ARAP3: variants seen among roughly 807,000 people sequenced by gnomAD.
ARAP3 encodes the protein ArfGAP with RhoGAP domain, ankyrin repeat and PH domain 3, also known as arf-GAP with Rho-GAP domain, ANK repeat and PH domain-containing protein 3.
A neutral mutation model predicts 169.2 loss-of-function variants in ARAP3; 82 were observed. That is an observed-to-expected ratio of 0.48 (90% CI 0.41 to 0.58). The LOEUF is 0.58. Among genes scored for constraint, ARAP3 ranks in the 20% least tolerant of loss-of-function variants. The pLI, the probability that ARAP3 is intolerant of heterozygous loss-of-function variation, is 0.00. For synonymous variants in ARAP3, 791 were observed against 800.3 expected (o/e 0.99, Z 0.20); for missense variants, 1,764 against 2,018.0 (o/e 0.87, Z 2.41).
In ARAP3 at chr5:141,655,260, C is replaced by CACACA. The variant is rs1562401159; in HGVS notation, c.4149+101_4149+102insTGTGT. ...CACACACACACACACACACACACAC[C>CACACA]CCCTGATGGCCTACATGAGGAAAAC... On this transcript the variant is annotated intron_variant, in intron 32 of 32. Transcript: ENST00000239440. The CACACA allele has an allele frequency of 1.4e-3, 1,138 of 834,224 alleles. 10 individuals carry two copies. The highest frequency in any genetic ancestry group is 8.5e-3 in the African/African-American group (290 of 34,140). 51.7% of individuals were successfully genotyped at this position (834,224 alleles called of 1,614,324 possible).
At chr5:141,656,173 G>C in intron 28 of ARAP3, 21 bp downstream of exon 28, 8 of 1,614,088 alleles carry the variant, frequency 5.0e-6, no homozygotes, top group Non-Finnish European at 6.8e-6. Context: ...CTGGAAGTGC[G>C]GGCTGGGGAA....
intron 1 of ARAP3, among the ~76,000 whole-genome samples, chr5:141,681,717 C>T (rs772119448): frequency 1.3e-5 from 2 of 152,344 alleles, no homozygotes; most frequent in African/African-American, 4.8e-5. Flanking sequence ...TTTCTGTCTT[C>T]CGCCTCGGCC....
rs2099911973 is a variant in ARAP3, at chr5:141,675,047, TCC to T, written c.699-1241_699-1240del. On this transcript the variant is annotated intron_variant, in intron 4 of 32. Coordinates refer to ENST00000239440, the MANE Select transcript of ARAP3 (RefSeq NM_022481.6). ...TTGTACAGTGAGGCCCGTAGGCCACTCCCCTGACTGCATCCTGTGTTGCCCTG... is the reference window on the plus strand; with the variant it reads ...TTGTACAGTGAGGCCCGTAGGCCACTCCTGACTGCATCCTGTGTTGCCCTG... Among the ~76,000 whole-genome samples, 3 of 152,204 alleles carry T rather than the reference TCC, an allele frequency of 2.0e-5. No homozygotes were observed. In the South Asian group the frequency reaches 6.2e-4, roughly 32 times the overall value.
Position 141,673,083 on chromosome 5 carries a change from G to A in ARAP3, c.1023C>T (p.Arg341=). 1 of 1,614,212 alleles carries A rather than the reference G, an allele frequency of 6.2e-7. No homozygotes were observed. The highest frequency in any genetic ancestry group is 8.5e-7 in the Non-Finnish European group (1 of 1,180,038). Residue 341 remains arginine (R), a synonymous_variant, in exon 7 of 33, where the codon CGC becomes CGT. Coordinates refer to ENST00000239440, the MANE Select transcript of ARAP3 (RefSeq NM_022481.6). ...CCTGGAACTTGTTGTCCTTGCTGCT[G>A]CGGGTCATCTCAATGGCAGTCAAAG... ...VIPLTAIEMT[R]SSKDNKFQVI...
rs1278173983 is a variant in ARAP3 at position 141,659,804 on chromosome 5, A to G, written c.3242T>C (p.Ile1081Thr). 3.1e-6 allele frequency: 5 copies of G among 1,612,652 alleles called. No homozygotes were observed. The highest frequency in any genetic ancestry group is 4.2e-6 in the Non-Finnish European group (5 of 1,179,320). The change falls in exon 22 of 33, where the codon ATT becomes ACT. Residue 1081 changes from isoleucine to threonine, a missense_variant. Transcript: ENST00000239440. The stretch of plus-strand genomic sequence containing the variant: ...ATCAAAGACAGAGATGTAGCCATCA[A>G]TGAGCTCTTGCAGCACTCGCACCTC... ...EHEVRVLQELIDGYISVFDID... is the reference protein window; with the variant it reads ...EHEVRVLQELTDGYISVFDID...
At position 141,679,586 on chromosome 5, in the gene ARAP3, T is replaced by A. The variant is rs758573729; in HGVS notation, c.657A>T (p.Arg219Ser). The change falls in exon 4 of 33, where the codon AGA becomes AGT. Residue 219 changes from arginine to serine, a missense_variant. Coordinates refer to ENST00000239440, the MANE Select transcript of ARAP3 (RefSeq NM_022481.6). ...CCTGACAAACACCTCTGCTCTCTCT[T>A]CTGTCGGGGGCTCCTGGAGTCCCCA... ...QPVGTPGAPDRRESRGVCQGR... is the reference protein window; with the variant it reads ...QPVGTPGAPDSRESRGVCQGR... 20 of 1,614,140 alleles carry A rather than the reference T, an allele frequency of 1.2e-5. No homozygotes were observed. Among genetic ancestry groups the A allele is most frequent in the Non-Finnish European group, 1.6e-5 (19 of 1,180,022 alleles).
chr5:141,673,480 G>C lies in ARAP3; in HGVS notation c.903-10C>G. ...CTGGAAGACATAGTTTCTGAGGAAGGAAGGAGCCAAGATCAGTGTTTGAGG... is the reference window on the plus strand; with the variant it reads ...CTGGAAGACATAGTTTCTGAGGAAGCAAGGAGCCAAGATCAGTGTTTGAGG... On this transcript the variant is annotated splice_polypyrimidine_tract_variant and intron_variant, in intron 5 of 32. Transcript: ENST00000239440. 2 of 1,614,194 alleles carry C rather than the reference G, an allele frequency of 1.2e-6. No homozygotes were observed. The highest frequency in any genetic ancestry group is 1.7e-6 in the Non-Finnish European group (2 of 1,180,042).
chr5:141,659,679 C>T (rs753255509), intron 22 of ARAP3, 100 bp downstream of exon 22: 52 of 1,507,136 alleles, frequency 3.5e-5, no homozygotes, highest in Non-Finnish European at 4.7e-5. Flanking sequence ...CCACCAGAGG[C>T]CTGGGCTGGG....
chr5:141,666,701 G>A (rs1051398063), intron 16 of ARAP3, 58 bp from the exon 17 acceptor site: 12 of 936,978 alleles, frequency 1.3e-5, no homozygotes, highest in South Asian at 2.8e-5. Context: ...CAAGGAATAG[G>A]GGAGAGAAAT....
Position 141,656,546 on chromosome 5 carries a change from A to T in ARAP3, c.3747T>A (p.Phe1249Leu), listed in dbSNP as rs1260585758. 1.9e-6 allele frequency: 3 copies of T among 1,612,888 alleles called. No individual in the cohort carries two copies. The highest frequency in any genetic ancestry group is 1.7e-4 in the Middle Eastern group (1 of 6,060). The change falls in exon 27 of 33, where the codon TTT becomes TTA. Residue 1249 changes from phenylalanine to leucine, a missense_variant. Transcript: ENST00000239440. ...GCAGCAGGCAGCGGCCACGCAGCAG[A>T]AAGAACCTCTCCTGGAAGCGGCTTC... ...LLGSRFQERF[F>L]LLRGRCLLLL...
chr5:141,672,964 A>G lies in ARAP3; in HGVS notation c.1094-39T>C. ...AGAAGCAGGTCAGTGGCTGTTGCTC[A>G]CACAGCCTCCCTCCCTCCTGCCCTG... On this transcript the variant is annotated intron_variant, in intron 7 of 32. Transcript: ENST00000239440. This position sits in a 1 kb window ranked among gnomAD's most constrained non-coding sequence, Gnocchi z 4.9. The G allele has an allele frequency of 1.2e-6, 2 of 1,612,496 alleles. No homozygotes were observed. The highest frequency in any genetic ancestry group is 1.7e-6 in the Non-Finnish European group (2 of 1,179,110).
rs535923982 is a variant in ARAP3, at chr5:141,664,713, C to T, written c.2800+209G>A. The stretch of plus-strand genomic sequence containing the variant: ...TCCTGGAAAATGAGGACCGTTGGCC[C>T]CATTTTACAGATGATGGAACTGAGG... On this transcript the variant is annotated intron_variant, in intron 19 of 32. Coordinates refer to ENST00000239440, the MANE Select transcript of ARAP3 (RefSeq NM_022481.6). Among the ~76,000 whole-genome samples the T allele has an allele frequency of 1.3e-3, 195 of 152,238 alleles. 1 individual carries two copies. The highest frequency in any genetic ancestry group is 4.5e-3 in the African/African-American group (188 of 41,542).
Position 141,673,150 on chromosome 5 carries a change from C to T in ARAP3, c.973-17G>A. On this transcript the variant is annotated splice_polypyrimidine_tract_variant and intron_variant, in intron 6 of 32. Transcript: ENST00000239440. ...GAAGGGGTCCTGGAGAGAGAGAGCT[C>T]AATGACCCATGAGGACAGGAACTGA... The T allele has an allele frequency of 6.2e-7, 1 of 1,614,088 alleles. No individual in the cohort carries two copies. The highest frequency in any genetic ancestry group is 1.3e-5 in the African/African-American group (1 of 75,040).
intron 16 of ARAP3, among the ~76,000 whole-genome samples, chr5:141,667,255 G>A (rs1333207251): frequency 6.6e-6 from 1 of 152,020 alleles, no homozygotes; most frequent in Non-Finnish European, 1.5e-5. Flanking sequence ...ATGATGCCCT[G>A]GGAAATCCCA....
At chr5:141,655,035 G>A (rs1233274422) in intron 32 of ARAP3, among the ~76,000 whole-genome samples, 1 of 151,840 alleles carries the variant, frequency 6.6e-6, no homozygotes, top group Non-Finnish European at 1.5e-5. Flanking sequence ...CACTGTGCCC[G>A]ACCTTTCTCC....
intron 23 of ARAP3, 35 bp downstream of exon 23, chr5:141,659,373 G>A: frequency 6.3e-7 from 1 of 1,595,194 alleles, no homozygotes; most frequent in Non-Finnish European, 8.6e-7. Context: ...GTCTCCTCCT[G>A]CCCCATTCAG....
At chr5:141,679,485 A>T in intron 4 of ARAP3, 60 bp downstream of exon 4, 1 of 1,509,844 alleles carries the variant, frequency 6.6e-7, no homozygotes, top group Non-Finnish European at 9.2e-7. Context: ...ATAACTGGAT[A>T]CATGGCCGCC....
At position 141,672,771 on chromosome 5, in the gene ARAP3, A is replaced by G. The variant is rs1386285697; in HGVS notation, c.1248T>C (p.Pro416=). The change falls in exon 8 of 33, where the codon CCT becomes CCC. Residue 416 remains proline (P), a synonymous_variant. Coordinates refer to ENST00000239440, the MANE Select transcript of ARAP3 (RefSeq NM_022481.6). The surrounding 1 kb of genome is among the most constrained non-coding windows in gnomAD (Gnocchi z 4.9). The part of the protein sequence containing the change: ...HKAKVFAALS[P]GELALYKSEQ... ...CACTCTTGTACAGTGCCAGCTCTCCAGGGCTCAAGGCAGCAAACACCTTGG... is the reference window on the plus strand; with the variant it reads ...CACTCTTGTACAGTGCCAGCTCTCCGGGGCTCAAGGCAGCAAACACCTTGG... 9 of 1,564,282 alleles carry G rather than the reference A, an allele frequency of 5.8e-6. No individual in the cohort carries two copies. The highest frequency in any genetic ancestry group is 7.0e-6 in the Non-Finnish European group (8 of 1,149,318).
At position 141,672,397 on chromosome 5, in the gene ARAP3, G is replaced by A; in HGVS notation, c.1386-96C>T. The A allele has an allele frequency of 1.3e-6, 2 of 1,539,784 alleles. No homozygotes were observed. Among genetic ancestry groups the A allele is most frequent in the Non-Finnish European group, 1.8e-6 (2 of 1,127,464 alleles). On this transcript the variant is annotated intron_variant, in intron 9 of 32. Transcript: ENST00000239440. This position sits in a 1 kb window ranked among gnomAD's most constrained non-coding sequence, Gnocchi z 4.9. The stretch of plus-strand genomic sequence containing the variant: ...AGGAGCCACCACAGGCCACACCTGG[G>A]GCAGCCCAGACCCTTCTGACATCTT...
Sources: gnomAD v4.1 joint callset for allele counts (sites outside exome capture counted in the v4.1 genomes callset) on GRCh38, gnomAD v4.1.1 for gene constraint, Gnocchi (gnomAD v3.1) non-coding constraint, MANE v1.5 for transcripts, NCBI Gene and HGNC (gene_info 2026-07-23, HGNC 2026-07-21) for gene names.